The following FAM53B variants were observed in gnomAD, a reference collection of about 807,000 sequenced individuals.
FAM53B encodes family with sequence similarity 53 member B, also known as protein FAM53B.
In FAM53B, 12 loss-of-function variants were observed where a neutral mutation model predicts 32.7. The observed-to-expected ratio is 0.37, with a 90% CI of 0.24 to 0.59. FAM53B has a LOEUF of 0.59. FAM53B is among the 20% of genes least tolerant of loss of function. The pLI, the probability that FAM53B is intolerant of heterozygous loss-of-function variation, is 0.72. For missense variants in FAM53B, 477 were observed against 577.7 expected (o/e 0.83, Z 1.79); for synonymous variants, 234 against 228.7 (o/e 1.02, Z -0.21).
At position 124,693,597 on chromosome 10, in the gene FAM53B, C is replaced by T. The variant is rs373218334; in HGVS notation, c.133+2561G>A. 2.3e-3 allele frequency among the ~76,000 whole-genome samples: 348 copies of T among 152,116 alleles called. 2 individuals carry two copies. Among genetic ancestry groups the T allele is most frequent in the Non-Finnish European group, 3.9e-3 (268 of 67,992 alleles). On this transcript the variant is annotated intron_variant, in intron 3 of 4. Transcript: ENST00000337318. ...CTGAGCTTCCACTAGACAGAGTGCACGGGGTAAGGCTCCTGACTGCTGACA... is the reference window on the plus strand; with the variant it reads ...CTGAGCTTCCACTAGACAGAGTGCATGGGGTAAGGCTCCTGACTGCTGACA...
At chr10:124,671,955 C>T (rs888883478) in intron 4 of FAM53B, among the ~76,000 whole-genome samples, 21 of 152,202 alleles carry the variant, frequency 1.4e-4, no homozygotes, top group Non-Finnish European at 4.4e-5. Context: ...GTTTGTTCTT[C>T]GTGTGGCATT....
intron 4 of FAM53B, among the ~76,000 whole-genome samples, chr10:124,657,171 TATGTAC>T (rs1203761089): frequency 4.6e-5 from 1 of 21,542 alleles, no homozygotes; most frequent in African/African-American, 7.3e-5. Flanking sequence ...TGTATATATA[TATGTAC>T]ATATATATAT....
At chr10:124,709,862 A>AT (rs1949988676) in intron 1 of FAM53B, among the ~76,000 whole-genome samples, 1 of 151,302 alleles carries the variant, frequency 6.6e-6, no homozygotes, top group Non-Finnish European at 1.5e-5. Flanking sequence ...AAAAAAATAG[A>AT]AGGAGTCCAG....
At chr10:124,700,386 C>A (rs1035075093) in intron 2 of FAM53B, among the ~76,000 whole-genome samples, 1 of 152,178 alleles carries the variant, frequency 6.6e-6, no homozygotes, top group Non-Finnish European at 1.5e-5. Flanking sequence ...GCCGAGGGAA[C>A]CCCTCGGCCC....
chr10:124,706,292 A>C (rs1454813073), intron 2 of FAM53B, among the ~76,000 whole-genome samples: 3 of 152,022 alleles, frequency 2.0e-5, no homozygotes, highest in Non-Finnish European at 4.4e-5. Context: ...CAGGGCACCA[A>C]CCCCCTCTGG....
At chr10:124,674,146 C>G (rs1949723585) in intron 4 of FAM53B, among the ~76,000 whole-genome samples, 1 of 152,224 alleles carries the variant, frequency 6.6e-6, no homozygotes, top group Non-Finnish European at 1.5e-5. Context: ...AGCAGCACCG[C>G]TCAACAACTC....
intron 4 of FAM53B, among the ~76,000 whole-genome samples, chr10:124,660,652 G>C (rs1348999067): frequency 1.3e-5 from 2 of 152,234 alleles, no homozygotes; most frequent in African/African-American, 4.8e-5. Flanking sequence ...GCCCTATCGA[G>C]GGCCAGCTTT....
intron 4 of FAM53B, among the ~76,000 whole-genome samples, chr10:124,645,858 G>C (rs528989509): frequency 6.6e-6 from 1 of 152,144 alleles, no homozygotes; most frequent in African/African-American, 2.4e-5. Context: ...TGTCCCGGGG[G>C]CAGCAGGCCT....
At chr10:124,739,087 G>A (rs1369294433) in intron 1 of FAM53B, among the ~76,000 whole-genome samples, 2 of 149,634 alleles carry the variant, frequency 1.3e-5, no homozygotes, top group Non-Finnish European at 3.0e-5. Context: ...AGCCATAGCA[G>A]AGGGGAGAGG....
chr10:124,648,542 T>C (rs1294576010), intron 4 of FAM53B, among the ~76,000 whole-genome samples: 1 of 152,178 alleles, frequency 6.6e-6, no homozygotes, highest in Admixed American at 6.5e-5. Flanking sequence ...AGGAATGCCA[T>C]GAGACCTCAA....
intron 4 of FAM53B, among the ~76,000 whole-genome samples, chr10:124,675,205 G>A (rs1401261205): frequency 6.6e-6 from 1 of 152,134 alleles, no homozygotes; most frequent in East Asian, 1.9e-4. Context: ...GCAGTGAGTC[G>A]AGATCTCACC....
In FAM53B at chr10:124,686,734, T is replaced by C. The variant is rs574285004; in HGVS notation, c.134-4355A>G. On this transcript the variant is annotated intron_variant, in intron 3 of 4. Coordinates refer to ENST00000337318, the MANE Select transcript of FAM53B (RefSeq NM_014661.4). ...GCACACAGCAGACCTTAGTTGGTGG[T>C]GCATGAATGAGGTAGTGGATTGCAA... Among the ~76,000 whole-genome samples, 114 of 152,348 alleles carry C rather than the reference T, an allele frequency of 7.5e-4. 3 individuals are homozygous for C. The South Asian group carries it at 0.022, about 30-fold the overall frequency.
intron 4 of FAM53B, among the ~76,000 whole-genome samples, chr10:124,627,209 A>G (rs2134035927): frequency 6.6e-6 from 1 of 152,270 alleles, no homozygotes; most frequent in African/African-American, 2.4e-5. Context: ...TGTTCTGCCC[A>G]GAGCCCCATC....
chr10:124,626,096 C>T (rs1017577819), intron 4 of FAM53B, among the ~76,000 whole-genome samples: 2 of 152,256 alleles, frequency 1.3e-5, no homozygotes, highest in Non-Finnish European at 2.9e-5. Flanking sequence ...GATGCGTGTG[C>T]CTGACGCCCG....
intron 1 of FAM53B, among the ~76,000 whole-genome samples, chr10:124,711,500 A>G (rs542028781): frequency 1.3e-5 from 2 of 152,186 alleles, no homozygotes; most frequent in South Asian, 4.1e-4. Context: ...TCTCTGTATT[A>G]TTTCCTGTAA....
chr10:124,701,687 G>C (rs1949915666), intron 2 of FAM53B, among the ~76,000 whole-genome samples: 1 of 152,224 alleles, frequency 6.6e-6, no homozygotes, highest in African/African-American at 2.4e-5. Flanking sequence ...AGCAGAGGAA[G>C]GCACTGGCCA....
At chr10:124,704,717 G>C (rs1164412490) in intron 2 of FAM53B, among the ~76,000 whole-genome samples, 1 of 152,240 alleles carries the variant, frequency 6.6e-6, no homozygotes, top group Non-Finnish European at 1.5e-5. Flanking sequence ...GTACATCCTA[G>C]TAAGGGCTGG....
In FAM53B at chr10:124,622,500, C is replaced by G. The variant is rs1265555609; in HGVS notation, c.*742G>C. 6.6e-6 allele frequency: 1 copy of G among 152,250 alleles called. No individual in the cohort carries two copies. Among genetic ancestry groups the G allele is most frequent in the African/African-American group, 2.4e-5 (1 of 41,440 alleles). 9.4% of individuals were successfully genotyped at this position (152,250 alleles called of 1,614,324 possible). The stretch of plus-strand genomic sequence containing the variant: ...CTCTCCATGCTGTAGGAGAGGCAAG[C>G]AAGTCCGTCTTTTCAGCCAACAGAT... On this transcript the variant is annotated 3_prime_UTR_variant, in exon 5 of 5. Coordinates refer to ENST00000337318, the MANE Select transcript of FAM53B (RefSeq NM_014661.4).
intron 1 of FAM53B, among the ~76,000 whole-genome samples, chr10:124,741,168 A>T (rs1240877119): frequency 1.3e-5 from 2 of 152,222 alleles, no homozygotes; most frequent in Non-Finnish European, 2.9e-5. Flanking sequence ...TATTATCAGC[A>T]TATTACATAA....
Sources: gnomAD v4.1 joint callset for allele counts (sites outside exome capture counted in the v4.1 genomes callset) on GRCh38, gnomAD v4.1.1 for gene constraint, MANE v1.5 for transcripts, NCBI Gene and HGNC (gene_info 2026-07-23, HGNC 2026-07-21) for gene names.